ZNF74: variants seen among roughly 807,000 people sequenced by gnomAD.
The protein encoded by ZNF74 is zinc finger protein 74.
ZNF74 carries 12 observed loss-of-function variants against 17.7 expected under a neutral mutation model. The ratio of observed to expected loss-of-function variants is 0.68; its 90% CI spans 0.43 to 1.10. The LOEUF is 1.10. Among genes scored for constraint, ZNF74 ranks in the 50% least tolerant of loss-of-function variants. The pLI, the probability that ZNF74 is intolerant of heterozygous loss-of-function variation, is 0.00. For missense variants in ZNF74, 811 were observed against 881.0 expected (o/e 0.92, Z 1.01); for synonymous variants, 358 against 362.1 (o/e 0.99, Z 0.13).
chr22:20,398,269 A>G (rs2052317970), intron 2 of ZNF74, among the ~76,000 whole-genome samples: 1 of 149,330 alleles, frequency 6.7e-6, no homozygotes. Context: ...GTGAGCTGAG[A>G]TTGCACCACT....
chr22:20,405,335 G>C, intron 4 of ZNF74, 42 bp from the exon 5 acceptor site: 1 of 1,552,880 alleles, frequency 6.4e-7, no homozygotes, highest in South Asian at 1.2e-5. Flanking sequence ...TCTAGGCCAG[G>C]TTTCCGCTTG....
intron 4 of ZNF74, among the ~76,000 whole-genome samples, chr22:20,402,130 G>A (rs1013376411): frequency 2.0e-5 from 3 of 152,164 alleles, no homozygotes; most frequent in Non-Finnish European, 4.4e-5. Context: ...TAGAAAGCTC[G>A]AGAAACACCT....
At position 20,406,642 on chromosome 22, in the gene ZNF74, T is replaced by G. The variant is rs765566581; in HGVS notation, c.1609T>G (p.Phe537Val). ...CAAGTGCAGCGAGTGCGGCAGAGCC[T>G]TCAGCCAGAACCACTGTCTCATTAA... is the stretch of plus-strand genomic sequence containing the variant. ...PYKCSECGRA[F>V]SQNHCLIKHQ... The change falls in exon 5 of 5, where the codon TTC (phenylalanine) becomes GTC (valine). Residue 537 changes from phenylalanine (F) to valine (V), a missense_variant. By Grantham distance (50) the Phe-to-Val change is conservative (BLOSUM62 -1). Transcript: ENST00000400451. The G allele has an allele frequency of 6.2e-7, 1 of 1,614,256 alleles. No homozygotes were observed. Among genetic ancestry groups the G allele is most frequent in the South Asian group, 1.1e-5 (1 of 91,086 alleles).
chr22:20,399,496 A>G (rs1458437242), intron 2 of ZNF74: 3 of 278,924 alleles, frequency 1.1e-5, no homozygotes, highest in Non-Finnish European at 2.1e-5. Context: ...CAGTTTGACA[A>G]TCTCCACCTT....
intron 2 of ZNF74, among the ~76,000 whole-genome samples, chr22:20,397,015 C>T (rs1162551508): frequency 1.3e-5 from 2 of 152,212 alleles, no homozygotes; most frequent in African/African-American, 4.8e-5. Context: ...TAGCCTCTGA[C>T]AGCCTCACTG....
Position 20,406,279 on chromosome 22 carries a change from T to C in ZNF74, c.1246T>C (p.Phe416Leu), listed in dbSNP as rs1464367456. ...GAAGATCCACAGCGGGGACAAGCCG[T>C]TCAAGTGCAGCGACTGCGAGAAGGC... is the stretch of plus-strand genomic sequence containing the variant. Reference protein sequence around the residue: ...HEKIHSGDKPFKCSDCEKAFN... With the variant: ...HEKIHSGDKPLKCSDCEKAFN... The change falls in exon 5 of 5, where the codon TTC becomes CTC. Residue 416 changes from phenylalanine to leucine, a missense_variant. Phe to Leu is a conservative substitution (Grantham distance 22, BLOSUM62 0). Coordinates refer to ENST00000400451, the MANE Select transcript of ZNF74 (RefSeq NM_003426.4). The C allele has an allele frequency of 1.2e-6, 2 of 1,611,602 alleles. No homozygotes were observed. Among genetic ancestry groups the C allele is most frequent in the East Asian group, 2.2e-5 (1 of 44,836 alleles).
At chr22:20,397,450 A>C (rs1305253915) in intron 2 of ZNF74, among the ~76,000 whole-genome samples, 4 of 152,190 alleles carry the variant, frequency 2.6e-5, no homozygotes, top group African/African-American at 9.7e-5. Flanking sequence ...GATGAGGTTG[A>C]GCAAACGTAT....
Position 20,401,471 on chromosome 22 carries a change from A to T in ZNF74, c.343+99A>T, listed in dbSNP as rs2052356520. 3 of 787,280 alleles carry T rather than the reference A, an allele frequency of 3.8e-6. No homozygotes were observed. The highest frequency in any genetic ancestry group is 1.7e-5 in the African/African-American group (1 of 58,054). 48.8% of individuals were successfully genotyped at this position (787,280 alleles called of 1,614,324 possible). A position where few individuals can be genotyped will look rare whatever the true frequency, so the allele number is the denominator to read the frequency against. On this transcript the variant is annotated intron_variant, in intron 4 of 4. Transcript: ENST00000400451. This position sits in a 1 kb window ranked among gnomAD's most constrained non-coding sequence, Gnocchi z 4.2. ...TCCTCCCTCAGTTTGCCCCGGCTCC[A>T]TCTCCCCTTTTCAGGTCCCCCGCCA...
chr22:20,394,431 G>A lies in ZNF74; in HGVS notation c.-198G>A, dbSNP rs2052267893. On this transcript the variant is annotated 5_prime_UTR_variant, in exon 1 of 5. Transcript: ENST00000400451. Reference sequence around the variant, plus strand: ...GTGGGGAGTGGGTATCTGCGGAGCCGGCCTGAACCCCACCTCAGCCGGGCG... The same window carrying A: ...GTGGGGAGTGGGTATCTGCGGAGCCAGCCTGAACCCCACCTCAGCCGGGCG... The A allele has an allele frequency of 6.3e-6, 4 of 634,104 alleles. No homozygotes were observed. The highest frequency in any genetic ancestry group is 1.1e-5 in the Non-Finnish European group (4 of 351,104). 39.3% of individuals were successfully genotyped at this position (634,104 alleles called of 1,614,324 possible).
chr22:20,401,307 C>T lies in ZNF74; in HGVS notation c.278C>T (p.Ser93Phe). Residue 93 changes from serine to phenylalanine, a missense_variant, in exon 4 of 5, where the codon TCT becomes TTT. Physicochemically the swap from Ser to Phe is radical, Grantham distance 155 (BLOSUM62 -2). This residue lies in a region of ZNF74 where 666 missense variants were observed against 702.3 expected (regional missense o/e 0.95). Transcript: ENST00000400451. The surrounding 1 kb of genome is among the most constrained non-coding windows in gnomAD (Gnocchi z 4.2). The part of the protein sequence containing the change: ...GPPLHKPDVI[S>F]HLERGEEPWS... ...CCACTGCACAAGCCAGATGTGATCT[C>T]TCATCTGGAACGAGGCGAGGAGCCA... 6.2e-7 allele frequency: 1 copy of T among 1,612,048 alleles called. No homozygotes were observed. The highest frequency in any genetic ancestry group is 8.5e-7 in the Non-Finnish European group (1 of 1,179,164).
At chr22:20,405,273 C>T (rs1470839828) in intron 4 of ZNF74, 104 bp from the exon 5 acceptor site, 1 of 1,296,932 alleles carries the variant, frequency 7.7e-7, no homozygotes, top group East Asian at 2.4e-5. Flanking sequence ...GGTGGCCTCT[C>T]CTCTCTTTTC....
intron 4 of ZNF74, among the ~76,000 whole-genome samples, chr22:20,403,755 C>T (rs754476147): frequency 1.6e-4 from 25 of 152,114 alleles, no homozygotes; most frequent in Non-Finnish European, 3.5e-4. Context: ...GACAACAGAG[C>T]GAGACTGTGT....
Position 20,405,408 on chromosome 22 carries a change from G to A in ZNF74, c.375G>A (p.Gln125=). 1 of 1,612,918 alleles carries A rather than the reference G, an allele frequency of 6.2e-7. No homozygotes were observed. Among genetic ancestry groups the A allele is most frequent in the Non-Finnish European group, 8.5e-7 (1 of 1,179,768 alleles). ...EWELKAVPSQ[Q]QGICKEEPAQ... ...AGCTGAAGGCGGTGCCCTCTCAACA[G>A]CAGGGCATTTGCAAAGAAGAACCGG... is the stretch of plus-strand genomic sequence containing the variant. Residue 125 remains glutamine (Q), a synonymous_variant, in exon 5 of 5, where the codon CAG becomes CAA. Transcript: ENST00000400451.
Position 20,405,782 on chromosome 22 carries a change from G to T in ZNF74, c.749G>T (p.Cys250Phe), listed in dbSNP as rs1182624776. The T allele has an allele frequency of 6.2e-7, 1 of 1,610,536 alleles. No individual in the cohort carries two copies. The highest frequency in any genetic ancestry group is 1.3e-5 in the African/African-American group (1 of 74,900). ...GAGAGEGEFV[C>F]GECGKAFRQS... The stretch of plus-strand genomic sequence containing the variant: ...GGCGCCGGGGAGGGCGAGTTCGTGT[G>T]CGGCGAGTGCGGGAAGGCGTTCCGC... Residue 250 changes from cysteine (C) to phenylalanine (F), a missense_variant, in exon 5 of 5, where the codon TGC becomes TTC. Cys to Phe is a radical substitution (Grantham distance 205, BLOSUM62 -2). Around this residue, in one of 3 missense-constraint regions of ZNF74, gnomAD observed 666 missense variants for 702.3 expected, o/e 0.95. Transcript: ENST00000400451.
Position 20,406,885 on chromosome 22 carries a change from G to T in ZNF74, c.1852G>T (p.Ala618Ser). 6.2e-7 allele frequency: 1 copy of T among 1,614,044 alleles called. No homozygotes were observed. The highest frequency in any genetic ancestry group is 1.1e-5 in the South Asian group (1 of 91,088). ...ACTGAGGGACGTGGATCCCATCGAC[G>T]CGCTGGATGTGGCAAAGCTCTTGTG... ...AGLRDVDPIDALDVAKLLCVV... is the reference protein window; with the variant it reads ...AGLRDVDPIDSLDVAKLLCVV... Residue 618 changes from alanine to serine, a missense_variant, in exon 5 of 5, where the codon GCG (alanine) becomes TCG (serine). Ala to Ser is a moderately conservative substitution (Grantham distance 99). This residue lies in a region of ZNF74 where 115 missense variants were observed against 119.5 expected (regional missense o/e 0.96). Coordinates refer to ENST00000400451, the MANE Select transcript of ZNF74 (RefSeq NM_003426.4).
intron 2 of ZNF74, among the ~76,000 whole-genome samples, chr22:20,398,960 A>C (rs999993523): frequency 3.3e-5 from 5 of 152,162 alleles, no homozygotes; most frequent in Non-Finnish European, 7.4e-5. Context: ...TTCATTTCCT[A>C]ATATTTAGGG....
intron 4 of ZNF74, among the ~76,000 whole-genome samples, chr22:20,402,801 CAAAAAAAAA>C (rs361884): frequency 1.6e-3 from 167 of 107,518 alleles, no homozygotes; most frequent in African/African-American, 5.6e-3. Context: ...AATTCCATCT[CAAAAAAAAA>C]AAAAAAAAAA....
rs2052452176 is a variant in ZNF74 at position 20,408,038 on chromosome 22, G to A, written c.*1070G>A. The stretch of plus-strand genomic sequence containing the variant: ...GGCTGGGCAGGGCCACCCTGGGCTG[G>A]TGAGGCTGCCCTGCAGGGCTTCTCA... On this transcript the variant is annotated 3_prime_UTR_variant, in exon 5 of 5. Transcript: ENST00000400451. The A allele has an allele frequency of 6.6e-6, 1 of 152,238 alleles. No individual in the cohort carries two copies. Among genetic ancestry groups the A allele is most frequent in the Non-Finnish European group, 1.5e-5 (1 of 68,062 alleles). The allele number at this position is 152,238 out of a possible 1,614,324, so 9.4% of individuals were successfully genotyped here.
rs756510362 is a variant in ZNF74, at chr22:20,405,472, C to CAT, written c.440_441insTA (p.Gln147HisfsTer31). The CAT allele has an allele frequency of 6.2e-7, 1 of 1,610,878 alleles. No individual in the cohort carries two copies. The highest frequency in any genetic ancestry group is 2.2e-5 in the East Asian group (1 of 44,856). On this transcript the variant is annotated frameshift_variant, in exon 5 of 5. Transcript: ENST00000400451. LOFTEE classifies it low-confidence loss of function (END_TRUNC). ...CATGGAGCGGCCCCTCGGCGGGGCGCAGGCGTGGGGGCGCCAGGCAGGTGC... is the reference window on the plus strand; with the variant it reads ...CATGGAGCGGCCCCTCGGCGGGGCGCATAGGCGTGGGGGCGCCAGGCAGGTGC...
Sources: allele counts gnomAD v4.1 joint callset (sites outside exome capture counted in the v4.1 genomes callset), GRCh38; gene constraint gnomAD v4.1.1; regional missense constraint gnomAD v4.1.1; non-coding constraint Gnocchi (gnomAD v3.1); transcripts MANE v1.5; gene names NCBI Gene and HGNC (gene_info 2026-07-23, HGNC 2026-07-21).